TBC1D19: variants seen among roughly 807,000 people sequenced by gnomAD.
TBC1D19 encodes the protein TBC1 domain family member 19.
In TBC1D19, 60 loss-of-function variants were observed where a neutral mutation model predicts 89.0. The ratio of observed to expected loss-of-function variants is 0.67; its 90% CI spans 0.55 to 0.84. The LOEUF is 0.84. TBC1D19 is among the 40% of genes least tolerant of loss of function. The probability of loss-of-function intolerance (pLI) is 0.00; values close to 1 mark genes in which losing one functional copy is unlikely to be tolerated. For missense variants in TBC1D19, 500 were observed against 610.8 expected, an observed-to-expected ratio of 0.82 and a Z score of 1.91; for synonymous variants, 189 against 199.7, an observed-to-expected ratio of 0.95 and a Z score of 0.45.
chr4:26,721,153 C>A (rs2109271583), intron 15 of TBC1D19, among the ~76,000 whole-genome samples: 1 of 152,058 alleles, frequency 6.6e-6, no homozygotes, highest in Middle Eastern at 3.4e-3. Flanking sequence ...ATGATTCTAT[C>A]TATTGTTAAT....
chr4:26,640,262 A>G, intron 7 of TBC1D19, 75 bp downstream of exon 7: 5 of 1,232,004 alleles, frequency 4.1e-6, no homozygotes, highest in Non-Finnish European at 5.9e-6. Context: ...AAAATATATC[A>G]AGGCAGAGGG....
chr4:26,789,498 C>G, the TBC1D19 span, among the ~76,000 whole-genome samples: 1 of 152,180 alleles, frequency 6.6e-6, no homozygotes, highest in African/African-American at 2.4e-5. Flanking sequence ...ATGAAAACCA[C>G]AGTGAGATAT....
At chr4:26,663,196 A>G (rs1260149056) in intron 8 of TBC1D19, 4 of 152,208 alleles carry the variant, frequency 2.6e-5, no homozygotes, top group Admixed American at 6.5e-5. Flanking sequence ...AGAAAATTGT[A>G]TAAGTGAAAA....
the TBC1D19 span, among the ~76,000 whole-genome samples, chr4:26,787,393 C>A: frequency 6.6e-6 from 1 of 152,020 alleles, no homozygotes. Flanking sequence ...TGAGCCACAG[C>A]GCCTGTCTAA....
the TBC1D19 span, among the ~76,000 whole-genome samples, chr4:26,825,109 T>TC: frequency 6.6e-6 from 1 of 152,106 alleles, no homozygotes; most frequent in Non-Finnish European, 1.5e-5. Flanking sequence ...TAGGATTTTT[T>TC]TTTTTTTTGA....
chr4:26,816,608 C>T, the TBC1D19 span, among the ~76,000 whole-genome samples: 1 of 152,098 alleles, frequency 6.6e-6, no homozygotes, highest in Admixed American at 6.5e-5. Flanking sequence ...CACCAGGTAC[C>T]TCTGTGGGAT....
At chr4:26,619,401 T>A (rs970104929) in intron 3 of TBC1D19, among the ~76,000 whole-genome samples, 1 of 152,072 alleles carries the variant, frequency 6.6e-6, no homozygotes, top group Admixed American at 6.6e-5. Context: ...GAGACGGGGT[T>A]TCACCATGTT....
the TBC1D19 span, among the ~76,000 whole-genome samples, chr4:26,824,877 T>A: frequency 9.2e-5 from 14 of 152,334 alleles, no homozygotes; most frequent in Non-Finnish European, 1.3e-4. Context: ...TTGTATAGAA[T>A]AAACTTCTAG....
intron 12 of TBC1D19, among the ~76,000 whole-genome samples, chr4:26,685,453 C>T (rs1349852919): frequency 1.3e-5 from 2 of 152,210 alleles, no homozygotes; most frequent in East Asian, 1.9e-4. Context: ...ATACAATTTC[C>T]ATGTTATACT....
At chr4:26,740,950 A>C in intron 17 of TBC1D19, 2 of 985,458 alleles carry the variant, frequency 2.0e-6, no homozygotes, top group Non-Finnish European at 2.4e-6. Flanking sequence ...AAACAAATGA[A>C]GCAACACCAG....
chr4:26,622,398 T>A (rs1049742084), intron 4 of TBC1D19, among the ~76,000 whole-genome samples: 8 of 152,152 alleles, frequency 5.3e-5, no homozygotes, highest in East Asian at 3.9e-4. Flanking sequence ...TTTTTTTTTT[T>A]AAATCATGAC....
the TBC1D19 span, among the ~76,000 whole-genome samples, chr4:26,839,512 T>C: frequency 3.3e-5 from 5 of 152,032 alleles, no homozygotes; most frequent in Admixed American, 6.6e-5. Flanking sequence ...AGAAGATGTG[T>C]GGGAAGGAGC....
At chr4:26,634,101 C>T (rs563823528) in intron 4 of TBC1D19, among the ~76,000 whole-genome samples, 3 of 149,988 alleles carry the variant, frequency 2.0e-5, no homozygotes, top group African/African-American at 7.3e-5. Flanking sequence ...GCAAGATTTT[C>T]ACCTCTGGTG....
chr4:26,589,049 C>G (rs1739603338), intron 1 of TBC1D19, among the ~76,000 whole-genome samples: 3 of 152,010 alleles, frequency 2.0e-5, no homozygotes, highest in African/African-American at 7.2e-5. Flanking sequence ...CTGAGGTGGG[C>G]AAATCACTTA....
intron 13 of TBC1D19, among the ~76,000 whole-genome samples, chr4:26,717,382 A>G (rs538150541): frequency 6.6e-6 from 1 of 151,642 alleles, no homozygotes; most frequent in Non-Finnish European, 1.5e-5. Context: ...TACTGTGCCT[A>G]TTTTCATCTC....
chr4:26,759,349 C>T (rs1181497225), downstream of TBC1D19, among the ~76,000 whole-genome samples: 13 of 151,932 alleles, frequency 8.6e-5, no homozygotes, highest in South Asian at 1.2e-3. Context: ...AAGGAATTTG[C>T]GGAGTTGCCT....
At position 26,579,077 on chromosome 4, in the gene TBC1D19, C is replaced by A. The variant is rs1188745795; in HGVS notation, c.6+2280C>A. Among the ~76,000 whole-genome samples the A allele has an allele frequency of 5.3e-5, 8 of 152,190 alleles. No individual in the cohort carries two copies. In the South Asian group the frequency reaches 1.2e-3, roughly 24 times the overall value. ...ATGTCACCACGATACTAAGCAAATG[C>A]CACCTAGATAAGTACTATAATTTAG... On this transcript the variant is annotated intron_variant, in intron 1 of 12. Coordinates refer to the TBC1D19 transcript ENST00000512840.
the TBC1D19 span, among the ~76,000 whole-genome samples, chr4:26,795,625 C>T: frequency 6.6e-6 from 1 of 152,008 alleles, no homozygotes. Context: ...AGTCTGAGTA[C>T]CTGAGGAAGT....
At chr4:26,728,857 C>CA (rs1042304134) in intron 15 of TBC1D19, among the ~76,000 whole-genome samples, 5 of 151,366 alleles carry the variant, frequency 3.3e-5, no homozygotes, top group African/African-American at 7.3e-5. Context: ...ACTAAAAATA[C>CA]AAAAAAAATT....
Sources: gnomAD v4.1 joint callset for allele counts (sites outside exome capture counted in the v4.1 genomes callset) on GRCh38, gnomAD v4.1.1 for gene constraint, MANE v1.5 for transcripts, NCBI Gene and HGNC (gene_info 2026-07-23, HGNC 2026-07-21) for gene names.